Variants in MAP3K1 observed in about 807,000 individuals in gnomAD.
MAP3K1 encodes the protein MAP/ERK kinase kinase 1.
A neutral mutation model predicts 144.2 loss-of-function variants in MAP3K1; 36 were observed. The ratio of observed to expected loss-of-function variants is 0.25; its 90% CI spans 0.19 to 0.33. MAP3K1 has a LOEUF of 0.33. Ranked by LOEUF, MAP3K1 falls within the 10% of genes least tolerant of loss-of-function variation. The pLI, the probability that MAP3K1 is intolerant of heterozygous loss-of-function variation, is 1.00. For missense variants in MAP3K1, 1,650 were observed against 1,881.9 expected (o/e 0.88, Z 2.28); for synonymous variants, 718 against 688.7 (o/e 1.04, Z -0.67).
intron 19 of MAP3K1, among the ~76,000 whole-genome samples, chr5:56,889,244 C>G (rs901533037): frequency 6.6e-6 from 1 of 152,222 alleles, no homozygotes; most frequent in Non-Finnish European, 1.5e-5. Context: ...TCTCAGCTCA[C>G]TATAGCCTCC....
chr5:56,837,492 C>A (rs1746689098), intron 1 of MAP3K1, among the ~76,000 whole-genome samples: 1 of 152,094 alleles, frequency 6.6e-6, no homozygotes, highest in Admixed American at 6.6e-5. Context: ...GGATACTTGG[C>A]ATACACAAAG....
intron 7 of MAP3K1, 81 bp from the exon 8 acceptor site, chr5:56,872,560 C>A: frequency 1.2e-6 from 1 of 837,932 alleles, no homozygotes. Context: ...TATATAAATT[C>A]TATAATTATA....
At position 56,856,597 on chromosome 5, in the gene MAP3K1, T is replaced by C; in HGVS notation, c.483-3T>C. 6.2e-7 allele frequency: 1 copy of C among 1,611,752 alleles called. No individual in the cohort carries two copies. Among genetic ancestry groups the C allele is most frequent in the Non-Finnish European group, 8.5e-7 (1 of 1,177,852 alleles). On this transcript the variant is annotated splice_region_variant and splice_polypyrimidine_tract_variant and intron_variant, in intron 1 of 19. Coordinates refer to ENST00000399503, the MANE Select transcript of MAP3K1 (RefSeq NM_005921.2). ...ATTTTATTTGTTTCTGCCTGCATTT[T>C]AGTCGTGAGATGGAGAATAAAGAAA...
chr5:56,838,169 G>A (rs1452821755), intron 1 of MAP3K1, among the ~76,000 whole-genome samples: 7 of 152,168 alleles, frequency 4.6e-5, no homozygotes, highest in Admixed American at 1.3e-4. Context: ...AGTCAAAGCT[G>A]TTGTTTTAAA....
chr5:56,833,114 C>T (rs1034605728), intron 1 of MAP3K1, among the ~76,000 whole-genome samples: 3 of 152,206 alleles, frequency 2.0e-5, no homozygotes, highest in Non-Finnish European at 4.4e-5. Context: ...TTGTGATCCG[C>T]CTGCCTCAGC....
In MAP3K1 at chr5:56,815,909, G is replaced by A. The variant is rs1239017306; in HGVS notation, c.336G>A (p.Pro112=). The stretch of plus-strand genomic sequence containing the variant: ...GCTTCCAGCCTGTGGCGGTGCCGCC[G>A]CCCCACGGAGCCGCGAGCCGCGGCG... ...GTGFQPVAVP[P]PHGAASRGGA... The change falls in exon 1 of 20, where the codon CCG becomes CCA. Residue 112 remains proline, a synonymous_variant. Transcript: ENST00000399503. The A allele has an allele frequency of 1.4e-5, 18 of 1,289,242 alleles. No homozygotes were observed. The highest frequency in any genetic ancestry group is 1.8e-5 in the Non-Finnish European group (18 of 1,020,772). The allele number at this position is 1,289,242 out of a possible 1,614,324, so 79.9% of individuals were successfully genotyped here.
intron 1 of MAP3K1, among the ~76,000 whole-genome samples, chr5:56,816,313 C>G (rs1236138783): frequency 1.3e-5 from 2 of 152,058 alleles, no homozygotes; most frequent in Non-Finnish European, 2.9e-5. Flanking sequence ...GCGAGCCTCT[C>G]TGCGGGGAAC....
At chr5:56,886,144 C>T (rs1426296747) in intron 17 of MAP3K1, 81 bp downstream of exon 17, 1 of 1,137,662 alleles carries the variant, frequency 8.8e-7, no homozygotes, top group Non-Finnish European at 1.3e-6. Context: ...TGGCTCACAC[C>T]TGTAATCCCA....
chr5:56,859,996 C>T, intron 3 of MAP3K1, 81 bp downstream of exon 3: 2 of 1,210,756 alleles, frequency 1.7e-6, no homozygotes, highest in South Asian at 2.6e-5. Flanking sequence ...GGCCAGCCAT[C>T]TGTTAGAACA....
chr5:56,845,569 C>T (rs753499524), intron 1 of MAP3K1, among the ~76,000 whole-genome samples: 4 of 150,238 alleles, frequency 2.7e-5, no homozygotes, highest in Non-Finnish European at 4.4e-5. Flanking sequence ...TGTAGACATT[C>T]CCAGCCCTAG....
intron 1 of MAP3K1, among the ~76,000 whole-genome samples, chr5:56,839,609 A>G (rs1357600249): frequency 1.3e-5 from 2 of 152,194 alleles, no homozygotes; most frequent in African/African-American, 4.8e-5. Flanking sequence ...GTTGATGAGG[A>G]TAAAAATCTC....
chr5:56,820,080 T>C (rs1311779089), intron 1 of MAP3K1, among the ~76,000 whole-genome samples: 1 of 152,232 alleles, frequency 6.6e-6, no homozygotes, highest in African/African-American at 2.4e-5. Flanking sequence ...ATTGAGCATA[T>C]AGATATGCCT....
At chr5:56,890,980 A>G (rs188357890) in intron 19 of MAP3K1, among the ~76,000 whole-genome samples, 10 of 152,266 alleles carry the variant, frequency 6.6e-5, no homozygotes, top group Non-Finnish European at 8.8e-5. Context: ...CAGGAGGTCA[A>G]AGCTGCAGTG....
At chr5:56,820,573 A>G in intron 1 of MAP3K1, 4 of 985,290 alleles carry the variant, frequency 4.1e-6, no homozygotes, top group Non-Finnish European at 4.8e-6. Context: ...GTTAGTCATT[A>G]GTGTTGAATG....
intron 1 of MAP3K1, among the ~76,000 whole-genome samples, chr5:56,830,756 C>T (rs999815623): frequency 6.6e-6 from 1 of 152,088 alleles, no homozygotes; most frequent in African/African-American, 2.4e-5. Flanking sequence ...TATTGGGTTA[C>T]TTCTGCCCCA....
intron 3 of MAP3K1, among the ~76,000 whole-genome samples, chr5:56,864,111 C>T (rs1747602206): frequency 6.6e-6 from 1 of 152,110 alleles, no homozygotes; most frequent in Admixed American, 6.6e-5. Flanking sequence ...TATATACTTT[C>T]TATGCTTTTT....
chr5:56,890,511 G>A (rs927247759), intron 19 of MAP3K1, among the ~76,000 whole-genome samples: 1 of 152,084 alleles, frequency 6.6e-6, no homozygotes, highest in Non-Finnish European at 1.5e-5. Flanking sequence ...TTTAGAGAGT[G>A]ATTTGGCAAT....
intron 2 of MAP3K1, among the ~76,000 whole-genome samples, chr5:56,857,067 C>G (rs1168980629): frequency 6.6e-6 from 1 of 151,946 alleles, no homozygotes; most frequent in Non-Finnish European, 1.5e-5. Flanking sequence ...AGAATTTTTC[C>G]AGTTTATTTT....
chr5:56,817,176 T>G, intron 1 of MAP3K1: 1 of 820,122 alleles, frequency 1.2e-6, no homozygotes, highest in South Asian at 5.6e-5. Flanking sequence ...AATTTTTATG[T>G]TAAAGGAAAT....
Sources: allele counts gnomAD v4.1 joint callset (sites outside exome capture counted in the v4.1 genomes callset), GRCh38; gene constraint gnomAD v4.1.1; transcripts MANE v1.5; gene names NCBI Gene and HGNC (gene_info 2026-07-23, HGNC 2026-07-21).